KIF4A: variants seen among roughly 807,000 people sequenced by gnomAD.
KIF4A encodes chromosome-associated kinesin KIF4A.
Under a neutral mutation model 105.9 loss-of-function variants are expected in KIF4A, and 7 were observed. That is an observed-to-expected ratio of 0.07 (90% CI 0.04 to 0.12). The LOEUF is 0.12. Among genes scored for constraint, KIF4A ranks in the 10% least tolerant of loss-of-function variants. The probability of loss-of-function intolerance (pLI) is 1.00; values close to 1 mark genes in which losing one functional copy is unlikely to be tolerated. For missense variants in KIF4A, 558 were observed against 929.2 expected (o/e 0.60, Z 5.19); for synonymous variants, 281 against 331.3 (o/e 0.85, Z 1.65).
chrX:70,366,953 A>C (rs2086106628), intron 15 of KIF4A, among the ~76,000 whole-genome samples: 1 of 112,010 alleles, frequency 8.9e-6, no homozygotes, highest in Non-Finnish European at 1.9e-5. Flanking sequence ...GTGCATATAT[A>C]TTTAGGATAG....
At chrX:70,290,311 A>C in intron 1 of KIF4A, 127 bp from the exon 2 acceptor site, 1 of 833,466 alleles carries the variant, frequency 1.2e-6, no homozygotes, top group Non-Finnish European at 1.7e-6. Context: ...AGCCCTGGCC[A>C]AGTCATGGAG....
At chrX:70,318,215 A>G (rs1469435275) in intron 7 of KIF4A, among the ~76,000 whole-genome samples, 2 of 111,800 alleles carry the variant, frequency 1.8e-5, no homozygotes, top group Admixed American at 9.5e-5. Context: ...ACCTGTGTAT[A>G]TATCTCTAAA....
intron 22 of KIF4A, among the ~76,000 whole-genome samples, chrX:70,399,267 C>G (rs1252369717): frequency 8.9e-6 from 1 of 111,867 alleles, no homozygotes; most frequent in Non-Finnish European, 1.9e-5. Context: ...GAACAACTGA[C>G]AGACAAACTG....
intron 10 of KIF4A, among the ~76,000 whole-genome samples, chrX:70,335,772 T>C (rs1376607517): frequency 8.9e-6 from 1 of 111,769 alleles, no homozygotes; most frequent in Non-Finnish European, 1.9e-5. Context: ...CAATTGACAT[T>C]GGCAACTAGG....
intron 8 of KIF4A, among the ~76,000 whole-genome samples, chrX:70,329,836 C>T (rs1043957764): frequency 3.6e-5 from 4 of 111,513 alleles, no homozygotes; most frequent in African/African-American, 1.3e-4. Flanking sequence ...TTAAAATCCA[C>T]CTAGAGGGGG....
chrX:70,338,079 A>T (rs2085957935), intron 10 of KIF4A, among the ~76,000 whole-genome samples: 1 of 112,136 alleles, frequency 8.9e-6, no homozygotes, highest in Non-Finnish European at 1.9e-5. Context: ...TTTTTTTGTC[A>T]TATAAAATGT....
chrX:70,360,497 C>T (rs1755749138), intron 15 of KIF4A, among the ~76,000 whole-genome samples: 1 of 112,970 alleles, frequency 8.9e-6, no homozygotes, highest in African/African-American at 3.2e-5. Context: ...GGCTCAGCCA[C>T]GTGGGTGGTC....
At chrX:70,411,911 AAG>A (rs2086323641) in intron 28 of KIF4A, among the ~76,000 whole-genome samples, 1 of 110,303 alleles carries the variant, frequency 9.1e-6, no homozygotes, top group South Asian at 4.0e-4. Context: ...GAAAAAAAAA[AAG>A]AGTCCCCCTA....
intron 7 of KIF4A, 23 bp downstream of exon 7, chrX:70,302,421 A>T: frequency 2.5e-6 from 3 of 1,188,477 alleles, no homozygotes; most frequent in Non-Finnish European, 3.4e-6. Flanking sequence ...TTAAGGTCAC[A>T]GTTGTAGATT....
At chrX:70,308,488 T>C (rs2085835909) in intron 7 of KIF4A, among the ~76,000 whole-genome samples, 1 of 112,667 alleles carries the variant, frequency 8.9e-6, no homozygotes, top group Admixed American at 9.4e-5. Flanking sequence ...TCATTCAAGA[T>C]TTTTTCACGT....
In KIF4A at chrX:70,336,359, A is replaced by C. The variant is rs1228252207; in HGVS notation, c.1133+2670A>C. On this transcript the variant is annotated intron_variant, in intron 10 of 30. Transcript: ENST00000374403. ...TTTTGTATTGTCAGAGGTTTATCTT[A>C]AGGGTAAATTTCTAGAAGTGGGATT... is the stretch of plus-strand genomic sequence containing the variant. 5.4e-5 allele frequency among the ~76,000 whole-genome samples: 6 copies of C among 111,934 alleles called. No homozygotes were observed. In the East Asian group the frequency reaches 1.7e-3, roughly 31 times the overall value.
rs138319890 is a variant in KIF4A at position 70,417,198 on chromosome X, G to A, written c.3256-690G>A. Among the ~76,000 whole-genome samples the A allele has an allele frequency of 4.0e-3, 451 of 112,646 alleles. 3 individuals carry two copies. Among genetic ancestry groups the A allele is most frequent in the African/African-American group, 0.014 (427 of 31,045 alleles). On this transcript the variant is annotated intron_variant, in intron 28 of 30. Transcript: ENST00000374403. ...CTCTGATCTGTCCTTCAAGTATTCT[G>A]TCCAAAAGAAAATGGATTTTTCAGC...
At chrX:70,397,705 A>T (rs556476545) in intron 22 of KIF4A, among the ~76,000 whole-genome samples, 1 of 112,283 alleles carries the variant, frequency 8.9e-6, no homozygotes, top group Admixed American at 9.4e-5. Flanking sequence ...GTGTTTTAGG[A>T]TAATAGAACC....
chrX:70,301,101 G>A (rs1436987610), intron 5 of KIF4A, among the ~76,000 whole-genome samples: 1 of 111,708 alleles, frequency 9.0e-6, no homozygotes, highest in African/African-American at 3.3e-5. Flanking sequence ...AGTTGAAGGT[G>A]ATGTGAGTTT....
In KIF4A at chrX:70,401,058, C is replaced by T. The variant is rs1186394619; in HGVS notation, c.2490-1508C>T. Reference sequence around the variant, plus strand: ...CTGGGATTACGGGAGTGAGCCACCGCGCCCCGCCAATAGGTTTATGATTTT... The same window carrying T: ...CTGGGATTACGGGAGTGAGCCACCGTGCCCCGCCAATAGGTTTATGATTTT... On this transcript the variant is annotated intron_variant, in intron 22 of 30. Transcript: ENST00000374403. Among the ~76,000 whole-genome samples, 55 of 106,011 alleles carry T rather than the reference C, an allele frequency of 5.2e-4. 1 individual carries two copies. Among genetic ancestry groups the T allele is most frequent in the Middle Eastern group, 4.8e-3 (1 of 210 alleles). 92.1% of individuals were successfully genotyped at this position (106,011 alleles called of 115,157 possible).
chrX:70,299,995 G>A (rs2085798656), intron 5 of KIF4A, among the ~76,000 whole-genome samples: 1 of 111,492 alleles, frequency 9.0e-6, no homozygotes, highest in Admixed American at 9.6e-5. Flanking sequence ...CAGAGCTTGA[G>A]TATTCAGGAG....
intron 18 of KIF4A, among the ~76,000 whole-genome samples, chrX:70,379,116 T>TC (rs2086186701): frequency 9.6e-6 from 1 of 104,610 alleles, no homozygotes. Flanking sequence ...TGAGCAGAGA[T>TC]CGCACCACTG....
rs1005855358 is a variant in KIF4A at position 70,386,484 on chromosome X, A to C, written c.2035-134A>C. 5 of 464,424 alleles carry C rather than the reference A, an allele frequency of 1.1e-5. No individual in the cohort carries two copies. In the East Asian group the frequency reaches 1.5e-4, roughly 14 times the overall value. The allele number at this position is 464,424 out of a possible 1,213,427, so 38.3% of individuals were successfully genotyped here. On this transcript the variant is annotated intron_variant, in intron 18 of 30. Transcript: ENST00000374403. ...CTAGAACTACGAGTTTTTGACTCAT[A>C]TGAGAAGATGAAGGCAGCTCACTGT...
chrX:70,363,428 T>C (rs1000730416), intron 15 of KIF4A, among the ~76,000 whole-genome samples: 1 of 110,402 alleles, frequency 9.1e-6, no homozygotes, highest in African/African-American at 3.3e-5. Context: ...CGGTGTGTGA[T>C]GTTCCCCTTC....
Sources: gnomAD v4.1 joint callset for allele counts (sites outside exome capture counted in the v4.1 genomes callset) on GRCh38, gnomAD v4.1.1 for gene constraint, MANE v1.5 for transcripts, NCBI Gene and HGNC (gene_info 2026-07-23, HGNC 2026-07-21) for gene names.